The following ARID1B variants were observed in gnomAD, a reference collection of about 807,000 sequenced individuals.
ARID1B encodes AT-rich interactive domain-containing protein 1B.
A neutral mutation model predicts 212.3 loss-of-function variants in ARID1B; 30 were observed. The observed-to-expected ratio is 0.14, with a 90% CI of 0.11 to 0.19. The LOEUF (loss-of-function observed/expected upper bound fraction) is 0.19. ARID1B is among the 10% of genes least tolerant of loss of function. The pLI, the probability that ARID1B is intolerant of heterozygous loss-of-function variation, is 1.00. For missense variants in ARID1B, 2,891 were observed against 3,204.0 expected (o/e 0.90, Z 2.36); for synonymous variants, 1,402 against 1,301.7 (o/e 1.08, Z -1.66).
intron 4 of ARID1B, among the ~76,000 whole-genome samples, chr6:157,080,773 A>T (rs1229740109): frequency 6.6e-6 from 1 of 152,252 alleles, no homozygotes; most frequent in Non-Finnish European, 1.5e-5. Context: ...GCAGAGAGAC[A>T]GTGGAAGGAT....
intron 1 of ARID1B, among the ~76,000 whole-genome samples, chr6:156,822,353 C>T (rs1782410538): frequency 6.6e-6 from 1 of 152,222 alleles, no homozygotes; most frequent in African/African-American, 2.4e-5. Flanking sequence ...TGCAGGGTTG[C>T]ATGTTATCCT....
rs878880822 is a variant in ARID1B at position 157,208,715 on chromosome 6, CTTTTT to C, written c.*838_*842del. 11 of 150,354 alleles carry C rather than the reference CTTTTT, an allele frequency of 7.3e-5. No individual in the cohort carries two copies. The highest frequency in any genetic ancestry group is 1.0e-4 in the Non-Finnish European group (8 of 77,070). The allele number at this position is 150,354 out of a possible 1,614,324, so 9.3% of individuals were successfully genotyped here. On this transcript the variant is annotated 3_prime_UTR_variant, in exon 20 of 20. Coordinates refer to ENST00000636930, the MANE Select transcript of ARID1B (RefSeq NM_001374828.1). ...AAACATACCCTCATTTTTTTCTTTT[CTTTTT>C]TTTTTTTTTTTTTAGTACAAAGTTT... is the stretch of plus-strand genomic sequence containing the variant.
rs1249420315 is a variant in ARID1B, at chr6:156,966,381, CT to C, written c.2247+30809del. On this transcript the variant is annotated intron_variant, in intron 4 of 19. Coordinates refer to ENST00000636930, the MANE Select transcript of ARID1B (RefSeq NM_001374828.1). The stretch of plus-strand genomic sequence containing the variant: ...TACAGACATAAATAACTTTTCTTTT[CT>C]TTTCTTTTTTTTTTTTTTTTTTTTT... Among the ~76,000 whole-genome samples the C allele has an allele frequency of 1.0e-3, 93 of 89,424 alleles. 1 individual carries two copies. Among genetic ancestry groups the C allele is most frequent in the African/African-American group, 3.4e-3 (89 of 26,242 alleles). The allele number at this position is 89,424 out of a possible 152,430, so 58.7% of individuals were successfully genotyped here.
chr6:156,972,797 C>T (rs189781187), intron 4 of ARID1B, among the ~76,000 whole-genome samples: 21 of 152,240 alleles, frequency 1.4e-4, no homozygotes, highest in Non-Finnish European at 2.2e-4. Context: ...CATGTGCTAA[C>T]AAACCAACCA....
intron 1 of ARID1B, among the ~76,000 whole-genome samples, chr6:156,791,983 C>A (rs1393441915): frequency 6.6e-6 from 1 of 151,750 alleles, no homozygotes; most frequent in Non-Finnish European, 1.5e-5. Flanking sequence ...ACATAGTGGA[C>A]AATTTAGATG....
intron 2 of ARID1B, among the ~76,000 whole-genome samples, chr6:156,866,743 T>C (rs879858389): frequency 2.0e-5 from 3 of 152,260 alleles, no homozygotes; most frequent in Middle Eastern, 3.2e-3. Flanking sequence ...TATGTTAATA[T>C]GTTCATGGCT....
Position 156,779,119 on chromosome 6 carries a change from C to T in ARID1B, c.1439C>T (p.Ser480Leu), listed in dbSNP as rs1235258455. Reference sequence around the variant, plus strand: ...AGCCTCAGCAAGGCGGCCGCCGGCTCGGCGGCGGGGGGCTTCCAGCGCTTC... The same window carrying T: ...AGCCTCAGCAAGGCGGCCGCCGGCTTGGCGGCGGGGGGCTTCCAGCGCTTC... ...AASLSKAAAG[S>L]AAGGFQRFAG... The change falls in exon 1 of 20, where the codon TCG (serine) becomes TTG (leucine). Residue 480 changes from serine (S) to leucine (L), a missense_variant. Physicochemically the swap from Ser to Leu is moderately radical, Grantham distance 145 (BLOSUM62 -2). Coordinates refer to ENST00000636930, the MANE Select transcript of ARID1B (RefSeq NM_001374828.1). The T allele has an allele frequency of 4.0e-6, 5 of 1,236,756 alleles. No individual in the cohort carries two copies. The highest frequency in any genetic ancestry group is 3.2e-5 in the African/African-American group (2 of 62,008). The allele number at this position is 1,236,756 out of a possible 1,614,324, so 76.6% of individuals were successfully genotyped here. A position where few individuals can be genotyped will look rare whatever the true frequency, so the allele number is the denominator to read the frequency against.
chr6:157,062,207 T>G (rs1328756913), intron 4 of ARID1B, among the ~76,000 whole-genome samples: 2 of 151,740 alleles, frequency 1.3e-5, no homozygotes, highest in Non-Finnish European at 2.9e-5. Context: ...TTTTGTTGTT[T>G]TTTTTTTTTA....
chr6:156,900,136 A>G (rs1450991956), intron 2 of ARID1B, among the ~76,000 whole-genome samples: 1 of 152,254 alleles, frequency 6.6e-6, no homozygotes, highest in Non-Finnish European at 1.5e-5. Context: ...CTTGCAATGC[A>G]GACTTTTCTG....
intron 1 of ARID1B, among the ~76,000 whole-genome samples, chr6:156,809,636 T>TTGAGATAAG (rs1367158730): frequency 4.6e-5 from 7 of 150,682 alleles, no homozygotes; most frequent in Admixed American, 2.7e-4. Context: ...AGATGTAGGT[T>TTGAGATAAG]TGAGATAAGT....
intron 1 of ARID1B, among the ~76,000 whole-genome samples, chr6:156,809,779 C>G (rs1279730885): frequency 6.6e-6 from 1 of 150,970 alleles, no homozygotes; most frequent in African/African-American, 2.4e-5. Flanking sequence ...TCAAAAGTAG[C>G]CTTCTCAAGT....
chr6:156,804,134 G>A (rs1780986777), intron 1 of ARID1B, among the ~76,000 whole-genome samples: 1 of 151,986 alleles, frequency 6.6e-6, no homozygotes, highest in South Asian at 2.1e-4. Flanking sequence ...TCAGGAGTTC[G>A]AGACTAGCCT....
intron 3 of ARID1B, among the ~76,000 whole-genome samples, chr6:156,931,717 C>T (rs1443703837): frequency 1.3e-5 from 2 of 152,020 alleles, no homozygotes; most frequent in Non-Finnish European, 2.9e-5. Flanking sequence ...AATCCCATCA[C>T]TTTGAGAGGC....
At position 157,206,075 on chromosome 6, in the gene ARID1B, G is replaced by A; in HGVS notation, c.5395-92G>A. 7.4e-7 allele frequency: 1 copy of A among 1,355,810 alleles called. No homozygotes were observed. The highest frequency in any genetic ancestry group is 1.0e-6 in the Non-Finnish European group (1 of 982,878). The allele number at this position is 1,355,810 out of a possible 1,614,324, so 84.0% of individuals were successfully genotyped here. On this transcript the variant is annotated intron_variant, in intron 19 of 19. Transcript: ENST00000636930. The surrounding 1 kb of genome is among the most constrained non-coding windows in gnomAD (Gnocchi z 6.8). ...CGTGTGACAATGATGGAAAGGTATT[G>A]ACGGGTCTCAGGATCTTTACCCTCC...
intron 2 of ARID1B, among the ~76,000 whole-genome samples, chr6:156,889,495 C>T (rs2128184736): frequency 6.6e-6 from 1 of 152,282 alleles, no homozygotes; most frequent in South Asian, 2.1e-4. Flanking sequence ...ATTTGACTGC[C>T]AGTGAATGCC....
chr6:156,995,807 G>A (rs905181967), intron 4 of ARID1B, among the ~76,000 whole-genome samples: 8 of 152,148 alleles, frequency 5.3e-5, no homozygotes, highest in African/African-American at 1.9e-4. Context: ...AATACAGGAC[G>A]CACGGTTAAA....
At chr6:156,953,313 T>C (rs1793721014) in intron 4 of ARID1B, among the ~76,000 whole-genome samples, 1 of 152,224 alleles carries the variant, frequency 6.6e-6, no homozygotes, top group East Asian at 1.9e-4. Context: ...AAACGGTTTT[T>C]GACAAACGCC....
intron 4 of ARID1B, among the ~76,000 whole-genome samples, chr6:157,028,022 A>G (rs900197418): frequency 2.0e-5 from 3 of 152,212 alleles, no homozygotes; most frequent in African/African-American, 7.2e-5. Context: ...TAAACTTACC[A>G]AGCTGTAGCA....
chr6:157,073,316 C>G (rs1314343233), intron 4 of ARID1B, among the ~76,000 whole-genome samples: 4 of 152,100 alleles, frequency 2.6e-5, no homozygotes, highest in South Asian at 2.1e-4. Flanking sequence ...GTTGGCCAGG[C>G]TGGCCTCAAA....
Sources: gnomAD v4.1 joint callset for allele counts (sites outside exome capture counted in the v4.1 genomes callset) on GRCh38, gnomAD v4.1.1 for gene constraint, Gnocchi (gnomAD v3.1) non-coding constraint, MANE v1.5 for transcripts, NCBI Gene and HGNC (gene_info 2026-07-23, HGNC 2026-07-21) for gene names.